Variants in CCDC191 observed in about 807,000 individuals in gnomAD.
The protein encoded by CCDC191 is coiled-coil domain containing 191.
A neutral mutation model predicts 114.0 loss-of-function variants in CCDC191; 99 were observed. That is an observed-to-expected ratio of 0.87 (90% confidence interval 0.74 to 1.03). The LOEUF (loss-of-function observed/expected upper bound fraction) is 1.03, where lower values mean the gene tolerates loss of function less well. CCDC191 is among the 50% of genes least tolerant of loss of function. The probability of loss-of-function intolerance (pLI) is 0.00; values close to 1 mark genes in which losing one functional copy is unlikely to be tolerated. For missense variants in CCDC191, 973 were observed against 1,087.0 expected (o/e 0.90, Z 1.47); for synonymous variants, 351 against 376.0 (o/e 0.93, Z 0.77).
intron 13 of CCDC191, among the ~76,000 whole-genome samples, chr3:113,983,183 A>G (rs1291001237): frequency 6.6e-6 from 1 of 152,116 alleles, no homozygotes; most frequent in African/African-American, 2.4e-5. Flanking sequence ...CTCCCCTAAC[A>G]GAAATACTTT....
intron 11 of CCDC191, chr3:114,004,155 T>G (rs137891201): frequency 1.4e-3 from 1,383 of 954,916 alleles, no homozygotes; most frequent in Non-Finnish European, 1.7e-3. Flanking sequence ...CAAATTAACA[T>G]ATCTGGTTTG....
intron 13 of CCDC191, among the ~76,000 whole-genome samples, chr3:113,990,294 AAG>A (rs1432756679): frequency 4.6e-5 from 7 of 152,128 alleles, no homozygotes; most frequent in African/African-American, 7.2e-5. Flanking sequence ...AAAAGGTCAT[AAG>A]AGAATACTAT....
At chr3:114,047,937 T>C (rs1452733223) in intron 2 of CCDC191, among the ~76,000 whole-genome samples, 2 of 152,154 alleles carry the variant, frequency 1.3e-5, no homozygotes, top group Non-Finnish European at 2.9e-5. Context: ...ATTGTGCCAC[T>C]GTACTCCAGC....
At chr3:114,014,878 G>C (rs1435007706) in intron 8 of CCDC191, among the ~76,000 whole-genome samples, 1 of 151,810 alleles carries the variant, frequency 6.6e-6, no homozygotes, top group African/African-American at 2.4e-5. Context: ...TCCCCATTTA[G>C]ATAAAAAACT....
chr3:113,966,916 T>C (rs772764538), intron 16 of CCDC191, among the ~76,000 whole-genome samples: 145 of 152,038 alleles, frequency 9.5e-4, no homozygotes, highest in African/African-American at 3.4e-3. Flanking sequence ...CTGGCCAACA[T>C]GGTGAAACCC....
chr3:113,980,950 A>AT (rs2075129658), intron 13 of CCDC191, among the ~76,000 whole-genome samples, 157 bp from the exon 14 acceptor site: 1 of 152,330 alleles, frequency 6.6e-6, no homozygotes, highest in South Asian at 2.1e-4. Flanking sequence ...TTTAAAAAAA[A>AT]GGAAATAATT....
chr3:114,027,855 C>T (rs780570735), intron 7 of CCDC191, among the ~76,000 whole-genome samples: 1 of 152,106 alleles, frequency 6.6e-6, no homozygotes, highest in Non-Finnish European at 1.5e-5. Context: ...TGTGGTCATA[C>T]CTAGGCTGCT....
intron 16 of CCDC191, among the ~76,000 whole-genome samples, chr3:113,969,485 T>C (rs912541746): frequency 2.0e-5 from 3 of 152,234 alleles, no homozygotes; most frequent in African/African-American, 7.2e-5. Flanking sequence ...GTTTCTGGAC[T>C]TAGATTTAAA....
intron 3 of CCDC191, among the ~76,000 whole-genome samples, chr3:114,044,633 G>A (rs2076605547): frequency 6.6e-6 from 1 of 152,226 alleles, no homozygotes; most frequent in African/African-American, 2.4e-5. Flanking sequence ...TGGCTTTCAG[G>A]GGAAGGTAGA....
At chr3:114,032,822 G>C (rs1354675605) in intron 6 of CCDC191, among the ~76,000 whole-genome samples, 1 of 152,086 alleles carries the variant, frequency 6.6e-6, no homozygotes, top group Non-Finnish European at 1.5e-5. Context: ...TTTAAAACTA[G>C]GCAATGAGGC....
intron 1 of CCDC191, among the ~76,000 whole-genome samples, chr3:114,056,135 G>A (rs1192283534): frequency 2.6e-5 from 4 of 152,130 alleles, no homozygotes; most frequent in African/African-American, 9.7e-5. Context: ...AGACACCTCC[G>A]GTTTTAGAAA....
chr3:114,030,003 T>G (rs189419110), intron 7 of CCDC191, among the ~76,000 whole-genome samples: 5 of 152,314 alleles, frequency 3.3e-5, no homozygotes, highest in Non-Finnish European at 7.4e-5. Flanking sequence ...ACTGGTGATA[T>G]TCTCATAGGG....
chr3:113,992,125 C>T (rs907136229), intron 13 of CCDC191, among the ~76,000 whole-genome samples: 1 of 152,144 alleles, frequency 6.6e-6, no homozygotes, highest in Non-Finnish European at 1.5e-5. Flanking sequence ...GTCCAGAAGT[C>T]CAGCAGTGAA....
intron 13 of CCDC191, among the ~76,000 whole-genome samples, chr3:113,986,663 T>C (rs1262532025): frequency 6.6e-6 from 1 of 152,206 alleles, no homozygotes; most frequent in African/African-American, 2.4e-5. Context: ...TAACCCCTAG[T>C]GTGGCTGTAT....
At chr3:113,982,254 A>AAAT (rs1440174665) in intron 13 of CCDC191, among the ~76,000 whole-genome samples, 3 of 152,218 alleles carry the variant, frequency 2.0e-5, no homozygotes, top group African/African-American at 7.2e-5. Context: ...TTCCATGGAA[A>AAAT]AATATAAAGA....
intron 16 of CCDC191, among the ~76,000 whole-genome samples, chr3:113,973,703 C>T (rs1941050427): frequency 6.6e-6 from 1 of 151,586 alleles, no homozygotes; most frequent in African/African-American, 2.4e-5. Flanking sequence ...ATTGGAGCTT[C>T]ATTATATGTT....
intron 6 of CCDC191, among the ~76,000 whole-genome samples, chr3:114,032,014 T>C (rs1375057320): frequency 4.6e-5 from 7 of 152,198 alleles, no homozygotes; most frequent in Non-Finnish European, 5.9e-5. Context: ...GTAGAAAGTC[T>C]TATAGATACT....
intron 7 of CCDC191, among the ~76,000 whole-genome samples, chr3:114,023,706 C>T (rs1403800269): frequency 2.0e-5 from 3 of 152,126 alleles, no homozygotes; most frequent in African/African-American, 7.2e-5. Flanking sequence ...AAAATTAATT[C>T]AAGATGGATT....
intron 7 of CCDC191, among the ~76,000 whole-genome samples, chr3:114,024,521 T>C (rs2076290909): frequency 2.0e-5 from 3 of 152,138 alleles, no homozygotes; most frequent in Non-Finnish European, 4.4e-5. Context: ...TATGCAGCCA[T>C]AAAAAATGAT....
Sources: allele counts gnomAD v4.1 joint callset (sites outside exome capture counted in the v4.1 genomes callset), GRCh38; gene constraint gnomAD v4.1.1; transcripts MANE v1.5; gene names NCBI Gene and HGNC (gene_info 2026-07-23, HGNC 2026-07-21).